Variants in KLHDC4 observed in about 807,000 individuals in gnomAD.
KLHDC4 encodes kelch domain-containing protein 4.
KLHDC4 carries 90 observed loss-of-function variants against 62.4 expected under a neutral mutation model. That is an observed-to-expected ratio of 1.44 (90% CI 1.22 to 1.72). The LOEUF (loss-of-function observed/expected upper bound fraction) is 1.72, where lower values mean the gene tolerates loss of function less well. Ranked by LOEUF, KLHDC4 falls within the 40% of genes most tolerant of loss-of-function variation. KLHDC4 has a pLI of 0.00. For missense variants in KLHDC4, 1,025 were observed against 699.7 expected, an observed-to-expected ratio of 1.47 and a Z score of -5.25; for synonymous variants, 386 against 284.4, an observed-to-expected ratio of 1.36 and a Z score of -3.59.
At chr16:87,730,886 G>A (rs534043818) in intron 5 of KLHDC4, 26 of 382,264 alleles carry the variant, frequency 6.8e-5, no homozygotes, top group African/African-American at 5.3e-4. Flanking sequence ...ACCTTGGACT[G>A]CATAAAGATT....
chr16:87,765,355 G>C (rs1489072149), intron 1 of KLHDC4: 3 of 460,092 alleles, frequency 6.5e-6, no homozygotes, highest in East Asian at 6.9e-5. Flanking sequence ...TGAAAGAAAA[G>C]TAAGGTTCAG....
intron 2 of KLHDC4, among the ~76,000 whole-genome samples, chr16:87,758,520 A>G (rs2045349763): frequency 6.6e-6 from 1 of 152,152 alleles, no homozygotes; most frequent in Non-Finnish European, 1.5e-5. Context: ...CAGAAAGTTG[A>G]CCAGAAGTCA....
chr16:87,731,457 T>G (rs1379398683), intron 5 of KLHDC4, among the ~76,000 whole-genome samples: 3 of 147,304 alleles, frequency 2.0e-5, no homozygotes, highest in Admixed American at 6.8e-5. Context: ...GATAGAAAAA[T>G]GGGGGGAAAA....
intron 4 of KLHDC4, among the ~76,000 whole-genome samples, chr16:87,751,682 G>A (rs140783047): frequency 6.6e-6 from 1 of 152,206 alleles, no homozygotes; most frequent in African/African-American, 2.4e-5. Context: ...ACTGTGGGAG[G>A]CTCATGTGGG....
Position 87,709,430 on chromosome 16 carries a change from C to T in KLHDC4, c.1282G>A (p.Gly428Arg), listed in dbSNP as rs1368441432. The T allele has an allele frequency of 6.2e-6, 10 of 1,612,904 alleles. No individual in the cohort carries two copies. Among genetic ancestry groups the T allele is most frequent in the Admixed American group, 1.7e-5 (1 of 60,028 alleles). ...ATGGCGTTGGAGCGTGGACACGGCC[C>T]AGGTGCGGGGCTGCCGGCCTCCTCA... ...SLEEAGSPAP[G>R]PCPRSNAMLA... The change falls in exon 10 of 12, where the codon GGG becomes AGG. Residue 428 changes from glycine (G) to arginine (R), a missense_variant. Transcript: ENST00000270583.
rs2035842271 is a variant in KLHDC4 at position 87,711,560 on chromosome 16, G to C, written c.836-117C>G. On this transcript the variant is annotated intron_variant, in intron 8 of 11. Coordinates refer to ENST00000270583, the MANE Select transcript of KLHDC4 (RefSeq NM_017566.4). ...AGAATGGGGTAAATGAAAACCGTGA[G>C]ACTGTGGGCAAAAACTCTGCTCCCT... 2 of 813,376 alleles carry C rather than the reference G, an allele frequency of 2.5e-6. 1 individual carries two copies. Among genetic ancestry groups the C allele is most frequent in the Admixed American group, 5.8e-5 (2 of 34,396 alleles). The allele number at this position is 813,376 out of a possible 1,614,324, so 50.4% of individuals were successfully genotyped here.
At chr16:87,735,287 G>C (rs537721518) in intron 5 of KLHDC4, among the ~76,000 whole-genome samples, 9 of 145,804 alleles carry the variant, frequency 6.2e-5, no homozygotes, top group African/African-American at 2.3e-4. Context: ...GCAACACAGC[G>C]AGACTCCGTC....
intron 3 of KLHDC4, chr16:87,756,057 T>C (rs2044833995): frequency 5.1e-6 from 1 of 195,616 alleles, no homozygotes; most frequent in African/African-American, 2.3e-5. Flanking sequence ...ACTTTCCGTG[T>C]TTAAGACAAC....
chr16:87,740,614 G>A (rs78645916), intron 5 of KLHDC4: 1 of 152,188 alleles, frequency 6.6e-6, no homozygotes, highest in Non-Finnish European at 1.5e-5. Context: ...GCAAACACCA[G>A]ATGCTGGTGT....
intron 10 of KLHDC4, 91 bp downstream of exon 10, chr16:87,709,174 G>A (rs903669429): frequency 1.3e-6 from 2 of 1,489,124 alleles, no homozygotes; most frequent in Non-Finnish European, 1.8e-6. Context: ...GGCCGCCTCT[G>A]GGCAGCTTGC....
intron 5 of KLHDC4, among the ~76,000 whole-genome samples, chr16:87,735,445 T>C (rs1057417484): frequency 2.2e-4 from 34 of 152,022 alleles, no homozygotes; most frequent in East Asian, 3.9e-4. Flanking sequence ...TGCAGCCCCA[T>C]AGATGGGGCG....
intron 7 of KLHDC4, among the ~76,000 whole-genome samples, chr16:87,725,840 T>C (rs1289261100): frequency 6.6e-6 from 1 of 152,116 alleles, no homozygotes; most frequent in African/African-American, 2.4e-5. Flanking sequence ...AACATTCCTG[T>C]CAGCACTGTT....
chr16:87,748,531 G>A, intron 5 of KLHDC4, 142 bp downstream of exon 5: 3 of 1,057,018 alleles, frequency 2.8e-6, no homozygotes, highest in South Asian at 1.5e-5. Flanking sequence ...GGTCTCCCAG[G>A]ACCCAGCGAG....
At chr16:87,750,551 G>C (rs1003542258) in intron 4 of KLHDC4, 2 of 152,314 alleles carry the variant, frequency 1.3e-5, no homozygotes, top group African/African-American at 4.8e-5. Flanking sequence ...GTAAGAGTGA[G>C]GATCTAGCAG....
intron 7 of KLHDC4, among the ~76,000 whole-genome samples, chr16:87,725,594 G>C (rs1245486792): frequency 1.3e-5 from 2 of 152,210 alleles, no homozygotes; most frequent in Non-Finnish European, 2.9e-5. Flanking sequence ...CCTACAGTGA[G>C]ATACTACTTC....
At chr16:87,722,524 T>G (rs2038587864) in intron 7 of KLHDC4, among the ~76,000 whole-genome samples, 1 of 152,154 alleles carries the variant, frequency 6.6e-6, no homozygotes, top group East Asian at 1.9e-4. Context: ...CTTCATCTGA[T>G]CAAACACTGT....
intron 11 of KLHDC4, 67 bp downstream of exon 11, chr16:87,708,283 G>T: frequency 1.9e-6 from 2 of 1,079,698 alleles, no homozygotes; most frequent in Non-Finnish European, 2.7e-6. Context: ...ATAAGCATCC[G>T]ATAAACATGA....
Position 87,750,717 on chromosome 16 carries a change from A to G in KLHDC4, c.370-1908T>C, listed in dbSNP as rs560080699. Among the ~76,000 whole-genome samples the G allele has an allele frequency of 3.9e-5, 6 of 152,300 alleles. No individual in the cohort carries two copies. In the East Asian group the frequency reaches 1.2e-3, roughly 29 times the overall value. On this transcript the variant is annotated intron_variant, in intron 4 of 11. Transcript: ENST00000270583. ...CGGTGTTCCGCCCGCCCGCACATAGAAACGGCCACAGTGCCGCCCCTCTGC... is the reference window on the plus strand; with the variant it reads ...CGGTGTTCCGCCCGCCCGCACATAGGAACGGCCACAGTGCCGCCCCTCTGC...
intron 5 of KLHDC4, among the ~76,000 whole-genome samples, chr16:87,745,278 G>A (rs1029262093): frequency 6.6e-6 from 1 of 152,104 alleles, no homozygotes; most frequent in African/African-American, 2.4e-5. Flanking sequence ...TCCGCCTTCT[G>A]CTCTTGCAGC....
Sources: allele counts gnomAD v4.1 joint callset (sites outside exome capture counted in the v4.1 genomes callset), GRCh38; gene constraint gnomAD v4.1.1; transcripts MANE v1.5; gene names NCBI Gene and HGNC (gene_info 2026-07-23, HGNC 2026-07-21).